The following PCDHGA1 variants were observed in gnomAD, a reference collection of about 807,000 sequenced individuals.
PCDHGA1 encodes protocadherin gamma-A1.
PCDHGA1 carries 32 observed loss-of-function variants against 58.0 expected under a neutral mutation model. The observed-to-expected ratio is 0.55, with a 90% confidence interval of 0.42 to 0.74. The LOEUF is 0.74. Among genes scored for constraint, PCDHGA1 ranks in the 30% least tolerant of loss-of-function variants. The probability of loss-of-function intolerance (pLI) is 0.00; values close to 1 mark genes in which losing one functional copy is unlikely to be tolerated. For missense variants in PCDHGA1, 1,205 were observed against 1,182.3 expected (o/e 1.02, Z -0.28); for synonymous variants, 498 against 501.1 (o/e 0.99, Z 0.08).
chr5:141,356,280 T>G (rs754910661), intron 1 of PCDHGA1: 15 of 1,558,302 alleles, frequency 9.6e-6, no homozygotes, highest in South Asian at 5.9e-5. Flanking sequence ...AGGAATCTTC[T>G]TCCCCGGGTA....
chr5:141,490,181 G>T lies in PCDHGA1; in HGVS notation c.2422-4626G>T, dbSNP rs755899660. ...GGTCCCATAGACTTTGAGGAGTCAC[G>T]TTTCTATGAAATTCATGCAAGAGCC... is the stretch of plus-strand genomic sequence containing the variant. On this transcript the variant is annotated intron_variant, in intron 1 of 3. Coordinates refer to ENST00000517417, the MANE Select transcript of PCDHGA1 (RefSeq NM_018912.3). The surrounding 1 kb of genome is among the most constrained non-coding windows in gnomAD (Gnocchi z 5.4). The T allele has an allele frequency of 6.2e-7, 1 of 1,614,200 alleles. No individual in the cohort carries two copies. The highest frequency in any genetic ancestry group is 8.5e-7 in the Non-Finnish European group (1 of 1,180,030).
At chr5:141,372,579 C>A in intron 1 of PCDHGA1, 1 of 1,614,048 alleles carries the variant, frequency 6.2e-7, no homozygotes, top group Non-Finnish European at 8.5e-7. Flanking sequence ...CTACTTTCAG[C>A]CTGGTGTCTG....
At chr5:141,354,157 A>C (rs977165486) in intron 1 of PCDHGA1, among the ~76,000 whole-genome samples, 1 of 152,244 alleles carries the variant, frequency 6.6e-6, no homozygotes, top group African/African-American at 2.4e-5. Context: ...TGTCATGTGA[A>C]AAAATCACTA....
In PCDHGA1 at chr5:141,493,026, C is replaced by T. The variant is rs73280358; in HGVS notation, c.2422-1781C>T. 6.6e-6 allele frequency among the ~76,000 whole-genome samples: 1 copy of T among 152,190 alleles called. No individual in the cohort carries two copies. The highest frequency in any genetic ancestry group is 1.5e-5 in the Non-Finnish European group (1 of 68,034). Reference sequence around the variant, plus strand: ...TAGGCTCTGCCAGATGCCAGGGTGCCCTTATGTGTGAGGAAACTACAATAG... The same window carrying T: ...TAGGCTCTGCCAGATGCCAGGGTGCTCTTATGTGTGAGGAAACTACAATAG... On this transcript the variant is annotated intron_variant, in intron 1 of 3. Coordinates refer to ENST00000517417, the MANE Select transcript of PCDHGA1 (RefSeq NM_018912.3). This position sits in a 1 kb window ranked among gnomAD's most constrained non-coding sequence, Gnocchi z 4.3.
chr5:141,401,010 G>A (rs62378449), intron 1 of PCDHGA1, among the ~76,000 whole-genome samples: 17,448 of 152,052 alleles, frequency 0.11, 1,158 homozygotes, highest in African/African-American at 0.18. Context: ...CCTACCTAAT[G>A]GATTTATGAT....
intron 1 of PCDHGA1, chr5:141,428,285 C>CA (rs2097130658): frequency 2.7e-6 from 2 of 734,934 alleles, no homozygotes; most frequent in Non-Finnish European, 4.7e-6. Context: ...GATTCCCAAG[C>CA]AAAGCTGCAG....
intron 1 of PCDHGA1, among the ~76,000 whole-genome samples, chr5:141,456,306 G>A (rs937409031): frequency 4.6e-5 from 7 of 152,158 alleles, no homozygotes; most frequent in Admixed American, 2.6e-4. Context: ...GAGAACAGCA[G>A]CTAGGGCTCC....
At chr5:141,425,624 G>T (rs1007643604) in intron 1 of PCDHGA1, among the ~76,000 whole-genome samples, 1 of 152,184 alleles carries the variant, frequency 6.6e-6, no homozygotes, top group African/African-American at 2.4e-5. Flanking sequence ...TGCTCCTCCA[G>T]TTTTCTCTGA....
At chr5:141,413,812 C>T in intron 1 of PCDHGA1, 2 of 1,613,144 alleles carry the variant, frequency 1.2e-6, no homozygotes, top group Non-Finnish European at 1.7e-6. Flanking sequence ...GGCCATTCAC[C>T]ACCTGGTCCT....
chr5:141,421,374 C>T, intron 1 of PCDHGA1: 1 of 1,614,062 alleles, frequency 6.2e-7, no homozygotes, highest in Non-Finnish European at 8.5e-7. Flanking sequence ...TGGGCAATAT[C>T]TCCAAGGACC....
intron 1 of PCDHGA1, chr5:141,430,816 C>G: frequency 6.5e-7 from 1 of 1,538,128 alleles, no homozygotes. Context: ...TGGGAATCCT[C>G]CTGGGGACTC....
chr5:141,345,291 A>G (rs776295747), intron 1 of PCDHGA1: 25 of 1,613,860 alleles, frequency 1.5e-5, no homozygotes, highest in Non-Finnish European at 1.9e-5. Flanking sequence ...AGAATATAAC[A>G]TTAGTCTGAG....
intron 1 of PCDHGA1, chr5:141,395,139 G>C: frequency 6.2e-7 from 1 of 1,614,144 alleles, no homozygotes. Flanking sequence ...GCCCAACTAC[G>C]CAGACATGCT....
chr5:141,485,275 G>T lies in PCDHGA1; in HGVS notation c.2422-9532G>T, dbSNP rs77402299. ...ACGTTTGTGGGCAGATCCGCTACCC[G>T]GTCCCAGAGGAGTCACAGGAAGGGA... is the stretch of plus-strand genomic sequence containing the variant. On this transcript the variant is annotated intron_variant, in intron 1 of 3. Coordinates refer to ENST00000517417, the MANE Select transcript of PCDHGA1 (RefSeq NM_018912.3). The surrounding 1 kb of genome is among the most constrained non-coding windows in gnomAD (Gnocchi z 5.7). 1.1e-5 allele frequency: 18 copies of T among 1,614,072 alleles called. No individual in the cohort carries two copies. The South Asian group carries it at 1.4e-4, about 13-fold the overall frequency.
intron 1 of PCDHGA1, chr5:141,362,075 G>A (rs533999436): frequency 5.6e-6 from 9 of 1,612,846 alleles, no homozygotes; most frequent in Non-Finnish European, 7.6e-6. Context: ...GTCGCTGTGC[G>A]TGATGGAGGA....
Position 141,331,495 on chromosome 5 carries a change from GAGGGA to G in PCDHGA1, c.812_816del (p.Glu271GlyfsTer32), listed in dbSNP as rs1756361489. On this transcript the variant is annotated frameshift_variant, in exon 1 of 4. Transcript: ENST00000517417. LOFTEE classifies it high-confidence loss of function. ...CATGGTAAATGCCACTGACCCTGAT[GAGGGA>G]GCCAATGGGGAAGTAACGTACTCCT... 3 of 1,614,090 alleles carry G rather than the reference GAGGGA, an allele frequency of 1.9e-6. No homozygotes were observed. The African/African-American group carries it at 4.0e-5, about 22-fold the overall frequency.
Position 141,418,176 on chromosome 5 carries a change from T to G in PCDHGA1, c.2422-76631T>G, listed in dbSNP as rs1197334192. 1 of 1,614,078 alleles carries G rather than the reference T, an allele frequency of 6.2e-7. No individual in the cohort carries two copies. Among genetic ancestry groups the G allele is most frequent in the Non-Finnish European group, 8.5e-7 (1 of 1,179,908 alleles). On this transcript the variant is annotated intron_variant, in intron 1 of 3. Coordinates refer to ENST00000517417, the MANE Select transcript of PCDHGA1 (RefSeq NM_018912.3). ...GAGAGAAGAAGATGTGAGTTGCAAT[T>G]GGAAGCTGTGGTGGAAAATCCTTTA...
chr5:141,468,981 A>G (rs1209945826), intron 1 of PCDHGA1, among the ~76,000 whole-genome samples: 4 of 151,852 alleles, frequency 2.6e-5, no homozygotes, highest in East Asian at 1.9e-4. Context: ...TTTGACTTCC[A>G]AAATTATTGT....
In PCDHGA1 at chr5:141,419,493, A is replaced by G. The variant is rs1246204844; in HGVS notation, c.2422-75314A>G. 5.0e-6 allele frequency: 8 copies of G among 1,612,382 alleles called. No individual in the cohort carries two copies. The highest frequency in any genetic ancestry group is 1.7e-4 in the Middle Eastern group (1 of 5,978). On this transcript the variant is annotated intron_variant, in intron 1 of 3. Coordinates refer to ENST00000517417, the MANE Select transcript of PCDHGA1 (RefSeq NM_018912.3). ...CAGGGCTCGCCCGCGCTCAGCGCCA[A>G]TGTGAGCCTGCGCGTGTTGGTGGGC...
Sources: allele counts gnomAD v4.1 joint callset (sites outside exome capture counted in the v4.1 genomes callset), GRCh38; gene constraint gnomAD v4.1.1; non-coding constraint Gnocchi (gnomAD v3.1); transcripts MANE v1.5; gene names NCBI Gene and HGNC (gene_info 2026-07-23, HGNC 2026-07-21).